The following HEG1 variants were observed in gnomAD, a reference collection of about 807,000 sequenced individuals.
HEG1 encodes protein HEG homolog 1.
A neutral mutation model predicts 125.6 loss-of-function variants in HEG1; 56 were observed. The observed-to-expected ratio is 0.45, with a 90% confidence interval of 0.36 to 0.56. The LOEUF (loss-of-function observed/expected upper bound fraction) is 0.56, where lower values mean the gene tolerates loss of function less well. Ranked by LOEUF, HEG1 falls within the 20% of genes least tolerant of loss-of-function variation. The pLI is 0.00. For synonymous variants in HEG1, 644 were observed against 668.5 expected (o/e 0.96, Z 0.57); for missense variants, 1,523 against 1,670.0 (o/e 0.91, Z 1.53).
At chr3:125,021,228 T>C in intron 3 of HEG1, 98 bp from the exon 4 acceptor site, 1 of 850,730 alleles carries the variant, frequency 1.2e-6, no homozygotes, top group Non-Finnish European at 1.8e-6. Flanking sequence ...TTTTGGTGGA[T>C]ACATCTAAAT....
At chr3:124,972,480 A>G (rs143379541) in intron 16 of HEG1, among the ~76,000 whole-genome samples, 1 of 152,292 alleles carries the variant, frequency 6.6e-6, no homozygotes, top group East Asian at 1.9e-4. Context: ...AAATTTTTCA[A>G]AAAGAGTCCA....
chr3:125,014,198 T>C (rs1937207684), intron 5 of HEG1, among the ~76,000 whole-genome samples: 1 of 152,148 alleles, frequency 6.6e-6, no homozygotes, highest in Admixed American at 6.6e-5. Flanking sequence ...CTGAGCAGAC[T>C]GACCTCCTGA....
chr3:125,022,623 C>G (rs886412172), intron 3 of HEG1, among the ~76,000 whole-genome samples: 1 of 151,542 alleles, frequency 6.6e-6, no homozygotes, highest in Non-Finnish European at 1.5e-5. Flanking sequence ...ACCACCAAAA[C>G]CCACCTCTAC....
intron 2 of HEG1, among the ~76,000 whole-genome samples, chr3:125,028,338 G>A (rs114300824): frequency 0.028 from 4,306 of 152,234 alleles, 186 homozygotes; most frequent in African/African-American, 0.097. Flanking sequence ...AAAGTCCTCC[G>A]TGATTGTCCC....
chr3:124,997,887 TCC>T, intron 11 of HEG1, 64 bp from the exon 12 acceptor site: 1 of 1,465,610 alleles, frequency 6.8e-7, no homozygotes, highest in South Asian at 1.5e-5. Context: ...CCTTAAAATC[TCC>T]TCCACTTCAA....
In HEG1 at chr3:125,001,967, C is replaced by G; in HGVS notation, c.3402G>C (p.Leu1134=). 6.2e-7 allele frequency: 1 copy of G among 1,613,986 alleles called. No homozygotes were observed. The highest frequency in any genetic ancestry group is 8.5e-7 in the Non-Finnish European group (1 of 1,179,890). The change falls in exon 11 of 17, where the codon CTG becomes CTC. Residue 1134 remains leucine, a synonymous_variant. Coordinates refer to ENST00000311127, the MANE Select transcript of HEG1 (RefSeq NM_020733.2). The stretch of plus-strand genomic sequence containing the variant: ...GGTCAAATAGCGTCACATTGGAGGC[C>G]AGGGAAAAGGTTGTTTGCAGTGAGA... ...VVISLQTTFS[L]ASNVTLFDLA...
At chr3:124,974,219 G>C (rs1936495467) in intron 15 of HEG1, among the ~76,000 whole-genome samples, 1 of 152,122 alleles carries the variant, frequency 6.6e-6, no homozygotes, top group Admixed American at 6.5e-5. Flanking sequence ...ACTGTGTCTT[G>C]GGGGTGGCCA....
At chr3:124,990,605 C>T (rs1306917562) in intron 14 of HEG1, among the ~76,000 whole-genome samples, 182 bp downstream of exon 14, 4 of 152,202 alleles carry the variant, frequency 2.6e-5, no homozygotes, top group East Asian at 1.9e-4. Flanking sequence ...TTCCAAAGTG[C>T]TGGGATTACA....
intron 14 of HEG1, among the ~76,000 whole-genome samples, chr3:124,980,513 G>GT (rs1211516456): frequency 3.3e-5 from 5 of 152,134 alleles, no homozygotes; most frequent in Admixed American, 2.0e-4. Context: ...TCAAGGACCA[G>GT]TTTTTTTATT....
At chr3:125,048,075 C>T (rs183100894) in intron 1 of HEG1, among the ~76,000 whole-genome samples, 22 of 152,250 alleles carry the variant, frequency 1.4e-4, no homozygotes, top group Admixed American at 3.3e-4. Flanking sequence ...TCAAGTCCCC[C>T]GAGACATCCC....
At chr3:125,042,547 C>T (rs1937602056) in intron 1 of HEG1, among the ~76,000 whole-genome samples, 1 of 152,248 alleles carries the variant, frequency 6.6e-6, no homozygotes, top group Non-Finnish European at 1.5e-5. Context: ...TCCAGGAGAG[C>T]TGGACCATGT....
intron 1 of HEG1, among the ~76,000 whole-genome samples, chr3:125,051,623 AGGGAGT>A (rs1937808346): frequency 6.6e-6 from 1 of 152,248 alleles, no homozygotes; most frequent in East Asian, 1.9e-4. Flanking sequence ...TTCAAAGGCC[AGGGAGT>A]CAAAAGTCAG....
intron 9 of HEG1, among the ~76,000 whole-genome samples, chr3:125,004,552 C>T (rs540338903): frequency 4.6e-5 from 7 of 151,898 alleles, no homozygotes; most frequent in East Asian, 3.9e-4. Flanking sequence ...TGCAGTTGTT[C>T]GATCACGGCT....
At chr3:125,031,151 G>A (rs1937492825) in intron 1 of HEG1, among the ~76,000 whole-genome samples, 2 of 152,160 alleles carry the variant, frequency 1.3e-5, no homozygotes, top group Admixed American at 1.3e-4. Flanking sequence ...GAGGTTCAGG[G>A]TCAGAGCAGG....
At position 125,029,399 on chromosome 3, in the gene HEG1, C is replaced by T; in HGVS notation, c.406G>A (p.Val136Met). ...FYQNQEDFST[V>M]SSKEGVMVQT... ...ACCATCACGCCCTCTTTGGAGGACACTGTTGAAAAGTCCTCTTGATTCTGA... is the reference window on the plus strand; with the variant it reads ...ACCATCACGCCCTCTTTGGAGGACATTGTTGAAAAGTCCTCTTGATTCTGA... Residue 136 changes from valine to methionine, a missense_variant, in exon 2 of 17, where the codon GTG (valine) becomes ATG (methionine). Physicochemically the swap from Val to Met is conservative, Grantham distance 21. Transcript: ENST00000311127. The T allele has an allele frequency of 1.9e-6, 3 of 1,611,520 alleles. No individual in the cohort carries two copies. Among genetic ancestry groups the T allele is most frequent in the Non-Finnish European group, 2.5e-6 (3 of 1,179,832 alleles).
chr3:125,002,482 C>T (rs542243770), intron 9 of HEG1, among the ~76,000 whole-genome samples, 167 bp from the exon 10 acceptor site: 6 of 152,282 alleles, frequency 3.9e-5, no homozygotes, highest in African/African-American at 1.4e-4. Flanking sequence ...TCTTAAATGC[C>T]TTTCTGTTGT....
chr3:124,975,221 A>T (rs3796207), intron 15 of HEG1, among the ~76,000 whole-genome samples: 1 of 152,018 alleles, frequency 6.6e-6, no homozygotes, highest in Non-Finnish European at 1.5e-5. Context: ...AAGACAGAGG[A>T]TATCTTAAAA....
At chr3:124,995,718 G>A (rs114211870) in intron 12 of HEG1, among the ~76,000 whole-genome samples, 1,884 of 152,298 alleles carry the variant, frequency 0.012, 41 homozygotes, top group African/African-American at 0.043. Context: ...GGGCTTCACG[G>A]GGTCTCAGCA....
chr3:125,055,468 C>T, intron 1 of HEG1, 107 bp downstream of exon 1: 1 of 763,600 alleles, frequency 1.3e-6, no homozygotes, highest in Non-Finnish European at 1.7e-6. Context: ...GAGCCCCCAC[C>T]CTGGGTCGCG....
Sources: allele counts gnomAD v4.1 joint callset (sites outside exome capture counted in the v4.1 genomes callset), GRCh38; gene constraint gnomAD v4.1.1; transcripts MANE v1.5; gene names NCBI Gene and HGNC (gene_info 2026-07-23, HGNC 2026-07-21).